The following ROBO1 variants were observed in gnomAD, a reference collection of about 807,000 sequenced individuals.
ROBO1 encodes roundabout homolog 1.
In ROBO1, 149 loss-of-function variants were observed where a neutral mutation model predicts 195.9. The observed-to-expected ratio is 0.76, with a 90% confidence interval of 0.67 to 0.87. The LOEUF (loss-of-function observed/expected upper bound fraction) is 0.87, where lower values mean the gene tolerates loss of function less well. Ranked by LOEUF, ROBO1 falls within the 40% of genes least tolerant of loss-of-function variation. The probability of loss-of-function intolerance (pLI) is 0.00; values close to 1 mark genes in which losing one functional copy is unlikely to be tolerated. For missense variants in ROBO1, 1,933 were observed against 2,068.3 expected (o/e 0.93, Z 1.27); for synonymous variants, 816 against 733.2 (o/e 1.11, Z -1.82).
chr3:79,386,138 C>T (rs2036734516), intron 2 of ROBO1, among the ~76,000 whole-genome samples: 1 of 152,072 alleles, frequency 6.6e-6, no homozygotes, highest in Non-Finnish European at 1.5e-5. Flanking sequence ...TTTACATGAA[C>T]TACCTGAGTG....
chr3:79,439,958 C>T (rs976414609), intron 2 of ROBO1, among the ~76,000 whole-genome samples: 1 of 151,974 alleles, frequency 6.6e-6, no homozygotes, highest in South Asian at 2.1e-4. Flanking sequence ...TCTGAGAAGG[C>T]TTCATTGAGG....
chr3:78,756,182 A>G (rs1456380777), intron 4 of ROBO1, among the ~76,000 whole-genome samples: 1 of 152,170 alleles, frequency 6.6e-6, no homozygotes, highest in African/African-American at 2.4e-5. Context: ...TGGTAACACT[A>G]AGCACCAAAT....
chr3:78,641,520 C>G (rs1055435555), intron 21 of ROBO1, among the ~76,000 whole-genome samples: 7 of 152,028 alleles, frequency 4.6e-5, no homozygotes, highest in Non-Finnish European at 8.8e-5. Context: ...CATTTAAATG[C>G]AAATTATAAC....
intron 2 of ROBO1, among the ~76,000 whole-genome samples, chr3:79,322,560 T>A (rs1181237295): frequency 6.6e-6 from 1 of 152,110 alleles, no homozygotes; most frequent in African/African-American, 2.4e-5. Context: ...GAAAGACAAC[T>A]AGGTGAGAGA....
intron 2 of ROBO1, among the ~76,000 whole-genome samples, chr3:79,545,086 T>G (rs1352447711): frequency 6.6e-6 from 1 of 151,892 alleles, no homozygotes; most frequent in African/African-American, 2.4e-5. Flanking sequence ...CTGTAAAAAA[T>G]GGATAGAATT....
At chr3:78,719,533 C>G (rs539719928) in intron 5 of ROBO1, among the ~76,000 whole-genome samples, 26 of 152,096 alleles carry the variant, frequency 1.7e-4, no homozygotes, top group South Asian at 1.2e-3. Flanking sequence ...TACATATACA[C>G]ATATAAACAT....
intron 3 of ROBO1, among the ~76,000 whole-genome samples, chr3:79,097,428 A>C (rs983648087): frequency 6.6e-6 from 1 of 151,788 alleles, no homozygotes; most frequent in African/African-American, 2.4e-5. Context: ...TGTTTCAAGT[A>C]ATATAATTCA....
In ROBO1 at chr3:79,640,832, T is replaced by C. The variant is rs148522438; in HGVS notation, c.-50-50871A>G. Among the ~76,000 whole-genome samples, 297 of 152,286 alleles carry C rather than the reference T, an allele frequency of 2.0e-3. 3 individuals are homozygous for C. Among genetic ancestry groups the C allele is most frequent in the African/African-American group, 6.7e-3 (279 of 41,564 alleles). On this transcript the variant is annotated intron_variant, in intron 1 of 30. Transcript: ENST00000464233. ...CCTATACAATGGATTTTCTCACCAATAGGAATCATTGATATTCAAAGTCAA... is the reference window on the plus strand; with the variant it reads ...CCTATACAATGGATTTTCTCACCAACAGGAATCATTGATATTCAAAGTCAA...
intron 2 of ROBO1, among the ~76,000 whole-genome samples, chr3:79,452,556 G>C (rs1280665473): frequency 6.6e-6 from 1 of 152,076 alleles, no homozygotes; most frequent in African/African-American, 2.4e-5. Context: ...GTGTCTGCTT[G>C]TTGCTGATTT....
chr3:79,117,231 A>T (rs763301676), intron 3 of ROBO1, among the ~76,000 whole-genome samples: 1 of 152,088 alleles, frequency 6.6e-6, no homozygotes, highest in African/African-American at 2.4e-5. Context: ...TTAGCTGGGC[A>T]TGGTGGCACG....
chr3:78,985,263 G>A (rs1485310680), intron 3 of ROBO1, among the ~76,000 whole-genome samples: 13 of 152,002 alleles, frequency 8.6e-5, no homozygotes, highest in South Asian at 6.2e-4. Flanking sequence ...TTGCACCATC[G>A]CACTCTAGCC....
intron 2 of ROBO1, among the ~76,000 whole-genome samples, chr3:79,167,959 C>A (rs907647876): frequency 1.3e-5 from 2 of 152,162 alleles, no homozygotes; most frequent in Admixed American, 6.6e-5. Context: ...TGGTCACTGT[C>A]AGATGATAAC....
intron 3 of ROBO1, among the ~76,000 whole-genome samples, chr3:79,039,801 C>A (rs1324205522): frequency 5.7e-4 from 29 of 51,320 alleles, no homozygotes; most frequent in South Asian, 1.2e-3. Context: ...GACTCCGTCT[C>A]AAAAAAAAAA....
At chr3:78,719,922 ACTAATTAT>A (rs2082001369) in intron 5 of ROBO1, among the ~76,000 whole-genome samples, 1 of 152,148 alleles carries the variant, frequency 6.6e-6, no homozygotes, top group Non-Finnish European at 1.5e-5. Flanking sequence ...GGTTTATATT[ACTAATTAT>A]CTTATGTTTC....
In ROBO1 at chr3:78,617,860, G is replaced by C; in HGVS notation, c.4057C>G (p.Gln1353Glu). 3.1e-6 allele frequency: 5 copies of C among 1,613,980 alleles called. No homozygotes were observed. Among genetic ancestry groups the C allele is most frequent in the Non-Finnish European group, 4.2e-6 (5 of 1,179,888 alleles). ...TCCCCAACACTGGAGGCAGGTGTCT[G>C]CTCAAGCCCACGTAACAAAAGCCTT... is the stretch of plus-strand genomic sequence containing the variant. Reference protein sequence around the residue: ...TRRLLLRGLEQTPASSVGDLE... With the variant: ...TRRLLLRGLEETPASSVGDLE... The change falls in exon 27 of 31, where the codon CAG (glutamine) becomes GAG (glutamate). Residue 1353 changes from glutamine (Q) to glutamate (E), a missense_variant. Coordinates refer to ENST00000464233, the MANE Select transcript of ROBO1 (RefSeq NM_002941.4).
At chr3:78,696,591 G>C (rs1173702767) in intron 8 of ROBO1, among the ~76,000 whole-genome samples, 1 of 150,354 alleles carries the variant, frequency 6.7e-6, no homozygotes, top group Non-Finnish European at 1.5e-5. Flanking sequence ...GCCACAAATA[G>C]TTGTTTAACC....
chr3:79,683,219 T>C (rs888412587), intron 1 of ROBO1, among the ~76,000 whole-genome samples: 3 of 152,072 alleles, frequency 2.0e-5, no homozygotes, highest in Non-Finnish European at 2.9e-5. Flanking sequence ...GTTATTCATG[T>C]GAGAATTAAG....
chr3:79,532,311 G>A (rs888191691), intron 2 of ROBO1, among the ~76,000 whole-genome samples: 9 of 152,180 alleles, frequency 5.9e-5, no homozygotes, highest in Non-Finnish European at 1.3e-4. Context: ...AAAGGGAAGA[G>A]ATTAGAATCA....
chr3:78,711,807 A>G lies in ROBO1; in HGVS notation c.1045+2590T>C, dbSNP rs1199147467. On this transcript the variant is annotated intron_variant, in intron 8 of 30. Coordinates refer to ENST00000464233, the MANE Select transcript of ROBO1 (RefSeq NM_002941.4). ...CCCGGCCCCCTGTGCTGTTTCTACC[A>G]TTCAAGCAGAAGTCTGAAATGCATA... Among the ~76,000 whole-genome samples, 6 of 151,286 alleles carry G rather than the reference A, an allele frequency of 4.0e-5. No individual in the cohort carries two copies. In the East Asian group the frequency reaches 9.9e-4, roughly 25 times the overall value.
Sources: allele counts gnomAD v4.1 joint callset (sites outside exome capture counted in the v4.1 genomes callset), GRCh38; gene constraint gnomAD v4.1.1; transcripts MANE v1.5; gene names NCBI Gene and HGNC (gene_info 2026-07-23, HGNC 2026-07-21).